Variants in IQGAP1 observed in about 807,000 individuals in gnomAD.
IQGAP1 encodes the protein IQ motif containing GTPase activating protein 1.
Under a neutral mutation model 215.6 loss-of-function variants are expected in IQGAP1, and 66 were observed. The observed-to-expected ratio is 0.31, with a 90% CI of 0.25 to 0.38. IQGAP1 has a LOEUF of 0.38. Among genes scored for constraint, IQGAP1 ranks in the 10% least tolerant of loss-of-function variants. IQGAP1 has a pLI of 1.00. For missense variants in IQGAP1, 1,712 were observed against 1,997.1 expected, an observed-to-expected ratio of 0.86 and a Z score of 2.72; for synonymous variants, 772 against 728.7, an observed-to-expected ratio of 1.06 and a Z score of -0.96.
At chr15:90,408,760 C>T (rs1242143963) in intron 2 of IQGAP1, among the ~76,000 whole-genome samples, 2 of 152,056 alleles carry the variant, frequency 1.3e-5, no homozygotes, top group Non-Finnish European at 2.9e-5. Flanking sequence ...CAAATTTACC[C>T]CATCTCATTT....
intron 3 of IQGAP1, among the ~76,000 whole-genome samples, chr15:90,426,868 G>A (rs946989536): frequency 3.3e-5 from 5 of 150,422 alleles, no homozygotes; most frequent in Admixed American, 2.0e-4. Context: ...CAGGAGAATC[G>A]CTTGAACCCG....
intron 2 of IQGAP1, among the ~76,000 whole-genome samples, chr15:90,425,439 A>G (rs181240304): frequency 6.6e-6 from 1 of 152,098 alleles, no homozygotes; most frequent in Admixed American, 6.6e-5. Context: ...CTTGAAATGT[A>G]CTAAGAGATA....
intron 5 of IQGAP1, among the ~76,000 whole-genome samples, chr15:90,436,867 T>C (rs1869034383): frequency 6.6e-6 from 1 of 152,232 alleles, no homozygotes; most frequent in South Asian, 2.1e-4. Context: ...ATGGTGCCCA[T>C]GTCTACTTTT....
rs552860228 is a variant in IQGAP1 at position 90,402,445 on chromosome 15, G to A, written c.155+11572G>A. Among the ~76,000 whole-genome samples, 30 of 152,304 alleles carry A rather than the reference G, an allele frequency of 2.0e-4. 1 individual carries two copies. The highest frequency in any genetic ancestry group is 1.9e-3 in the Admixed American group (29 of 15,290). On this transcript the variant is annotated intron_variant, in intron 2 of 37. Coordinates refer to ENST00000268182, the MANE Select transcript of IQGAP1 (RefSeq NM_003870.4). Reference sequence around the variant, plus strand: ...TCTTCTTTACTCAGAATACCTTCCTGTTGACTCATTGGAAATCATAACAAA... The same window carrying A: ...TCTTCTTTACTCAGAATACCTTCCTATTGACTCATTGGAAATCATAACAAA...
At chr15:90,457,013 A>G (rs1965694389) in intron 15 of IQGAP1, among the ~76,000 whole-genome samples, 1 of 151,180 alleles carries the variant, frequency 6.6e-6, no homozygotes, top group Non-Finnish European at 1.5e-5. Flanking sequence ...ATCCAGAAAA[A>G]TGAACAAGGT....
At chr15:90,421,921 A>C (rs1376022907) in intron 2 of IQGAP1, among the ~76,000 whole-genome samples, 1 of 152,250 alleles carries the variant, frequency 6.6e-6, no homozygotes, top group Non-Finnish European at 1.5e-5. Context: ...TTGGCCTCCC[A>C]AAGTGCTGGG....
At chr15:90,493,355 A>G (rs780344027) in intron 35 of IQGAP1, among the ~76,000 whole-genome samples, 4 of 152,078 alleles carry the variant, frequency 2.6e-5, no homozygotes, top group Non-Finnish European at 4.4e-5. Flanking sequence ...GCTCCTCTCT[A>G]TACTTCCTGG....
chr15:90,389,126 A>G (rs1003880721), intron 1 of IQGAP1, among the ~76,000 whole-genome samples: 3 of 152,128 alleles, frequency 2.0e-5, no homozygotes, highest in Non-Finnish European at 2.9e-5. Context: ...TCACGCATCA[A>G]CAGTTATACG....
chr15:90,426,083 T>C (rs1212840240), intron 2 of IQGAP1, 27 bp from the exon 3 acceptor site: 1 of 1,576,076 alleles, frequency 6.3e-7, no homozygotes, highest in Admixed American at 2.0e-5. Context: ...CCCTTTCTTT[T>C]TTTGCATCCT....
chr15:90,490,040 G>A (rs1966181614), intron 33 of IQGAP1, among the ~76,000 whole-genome samples: 1 of 152,170 alleles, frequency 6.6e-6, no homozygotes, highest in Non-Finnish European at 1.5e-5. Flanking sequence ...ATTATGTGAT[G>A]CAGAGTAGTC....
At chr15:90,447,348 A>G (rs1203157401) in intron 9 of IQGAP1, among the ~76,000 whole-genome samples, 2 of 152,098 alleles carry the variant, frequency 1.3e-5, no homozygotes, top group South Asian at 4.1e-4. Context: ...CCCTTTTTTT[A>G]AATAGTTCTA....
In IQGAP1 at chr15:90,440,999, C is replaced by T. The variant is rs60299033; in HGVS notation, c.649+384C>T. Among the ~76,000 whole-genome samples, 17 of 151,798 alleles carry T rather than the reference C, an allele frequency of 1.1e-4. No homozygotes were observed. The East Asian group carries it at 2.9e-3, about 26-fold the overall frequency. ...GTGTGCACCTGTAATCCCAGCTACT[C>T]GGGAGGCTGAGGCAGGAGAATCACT... is the stretch of plus-strand genomic sequence containing the variant. On this transcript the variant is annotated intron_variant, in intron 7 of 37. Coordinates refer to ENST00000268182, the MANE Select transcript of IQGAP1 (RefSeq NM_003870.4).
chr15:90,470,502 TATTTTA>T (rs1439017274), intron 18 of IQGAP1, among the ~76,000 whole-genome samples: 4 of 152,212 alleles, frequency 2.6e-5, no homozygotes, highest in African/African-American at 4.8e-5. Context: ...CCAAGGACTG[TATTTTA>T]AGTAGCAGCC....
At chr15:90,483,949 A>G (rs983930327) in intron 29 of IQGAP1, among the ~76,000 whole-genome samples, 1 of 152,216 alleles carries the variant, frequency 6.6e-6, no homozygotes, top group African/African-American at 2.4e-5. Flanking sequence ...TAGAGATAGA[A>G]TTGGTTCTCC....
At chr15:90,486,560 T>TTA (rs573386465) in intron 31 of IQGAP1, 1 of 66,628 alleles carries the variant, frequency 1.5e-5, no homozygotes, top group African/African-American at 9.9e-5. Context: ...TCCTGAGTTG[T>TTA]TTTTTTTTTT....
chr15:90,400,032 C>A (rs1343022330), intron 2 of IQGAP1, among the ~76,000 whole-genome samples: 1 of 150,940 alleles, frequency 6.6e-6, no homozygotes, highest in African/African-American at 2.4e-5. Context: ...TTCCTTTTTT[C>A]GTGACTTGAA....
At chr15:90,497,149 G>C (rs1966284283) in intron 36 of IQGAP1, 83 bp from the exon 37 acceptor site, 2 of 720,250 alleles carry the variant, frequency 2.8e-6, no homozygotes, top group Admixed American at 5.3e-5. Context: ...TTGAAGACTT[G>C]GTTCATCTCC....
Position 90,425,968 on chromosome 15 carries a change from A to G in IQGAP1, c.156-142A>G. On this transcript the variant is annotated intron_variant, in intron 2 of 37. Coordinates refer to ENST00000268182, the MANE Select transcript of IQGAP1 (RefSeq NM_003870.4). ...TCTGACTGGGCCAGGCAGGGAAAGG[A>G]TGTGTGTGGAACTGATTGTAAAAGA... The G allele has an allele frequency of 7.3e-6, 5 of 683,074 alleles. 1 individual carries two copies. The highest frequency in any genetic ancestry group is 1.1e-5 in the Non-Finnish European group (5 of 454,430). 42.3% of individuals were successfully genotyped at this position (683,074 alleles called of 1,614,324 possible). A position where few individuals can be genotyped will look rare whatever the true frequency, so the allele number is the denominator to read the frequency against.
At chr15:90,439,700 C>T (rs555172173) in intron 6 of IQGAP1, among the ~76,000 whole-genome samples, 56 of 152,222 alleles carry the variant, frequency 3.7e-4, no homozygotes, top group African/African-American at 1.2e-3. Flanking sequence ...ACTAAATGTT[C>T]GGGTATGTTG....
Sources: allele counts gnomAD v4.1 joint callset (sites outside exome capture counted in the v4.1 genomes callset), GRCh38; gene constraint gnomAD v4.1.1; transcripts MANE v1.5; gene names NCBI Gene and HGNC (gene_info 2026-07-23, HGNC 2026-07-21).